The following RALYL variants were observed in gnomAD, a reference collection of about 807,000 sequenced individuals.
The protein encoded by RALYL is RALY RNA binding protein like.
In RALYL, 29 loss-of-function variants were observed where a neutral mutation model predicts 35.1. The ratio of observed to expected loss-of-function variants is 0.83; its 90% CI spans 0.61 to 1.13. The LOEUF (loss-of-function observed/expected upper bound fraction) is 1.13, where lower values mean the gene tolerates loss of function less well. RALYL is among the 50% of genes most tolerant of loss of function. The pLI is 0.00. For missense variants in RALYL, 359 were observed against 360.4 expected (o/e 1.00, Z 0.03); for synonymous variants, 120 against 127.6 (o/e 0.94, Z 0.40).
intron 2 of RALYL, among the ~76,000 whole-genome samples, chr8:84,605,560 C>T (rs543281895): frequency 6.6e-6 from 1 of 152,094 alleles, no homozygotes; most frequent in African/African-American, 2.4e-5. Context: ...ATAGGCTCAA[C>T]CCTGTTCAGT....
At chr8:84,395,903 G>T (rs185200194) in intron 1 of RALYL, among the ~76,000 whole-genome samples, 1 of 151,832 alleles carries the variant, frequency 6.6e-6, no homozygotes, top group Non-Finnish European at 1.5e-5. Context: ...TAAGTCACTC[G>T]TTAAAATGGT....
At chr8:84,433,843 G>GTATA (rs34226254) in intron 1 of RALYL, among the ~76,000 whole-genome samples, 26 of 135,504 alleles carry the variant, frequency 1.9e-4, no homozygotes, top group African/African-American at 6.1e-4. Context: ...ATGTGTGTGT[G>GTATA]TATATATATA....
chr8:84,447,779 G>T (rs1239890246), intron 1 of RALYL, among the ~76,000 whole-genome samples: 1 of 152,016 alleles, frequency 6.6e-6, no homozygotes, highest in African/African-American at 2.4e-5. Context: ...CTTTATTTGG[G>T]TATATTAGTG....
chr8:84,233,314 A>C lies in RALYL; in HGVS notation c.-24+48890A>C, dbSNP rs539760404. ...TTATATGTAATGCATTTTTATATTC[A>C]GAGAATACAAAAACTTCCATTTTGT... On this transcript the variant is annotated intron_variant, in intron 1 of 8. Coordinates refer to ENST00000521268, the MANE Select transcript of RALYL (RefSeq NM_173848.7). Among the ~76,000 whole-genome samples the C allele has an allele frequency of 2.6e-3, 403 of 152,260 alleles. 3 individuals are homozygous for C. Among genetic ancestry groups the C allele is most frequent in the African/African-American group, 8.9e-3 (369 of 41,550 alleles).
chr8:84,327,693 A>T (rs1846064574), intron 1 of RALYL, among the ~76,000 whole-genome samples: 1 of 151,826 alleles, frequency 6.6e-6, no homozygotes, highest in Non-Finnish European at 1.5e-5. Context: ...AAAAAAAAAA[A>T]TTGCCATTCC....
At chr8:84,849,259 C>T (rs543394015) in intron 4 of RALYL, among the ~76,000 whole-genome samples, 1 of 152,042 alleles carries the variant, frequency 6.6e-6, no homozygotes, top group South Asian at 2.1e-4. Flanking sequence ...GGTAAGACAG[C>T]CACAGTTATT....
At chr8:84,663,944 T>C (rs1469990201) in intron 2 of RALYL, among the ~76,000 whole-genome samples, 2 of 152,278 alleles carry the variant, frequency 1.3e-5, no homozygotes, top group Non-Finnish European at 1.5e-5. Flanking sequence ...ATTTTATAGT[T>C]TGGGGTTTTA....
rs570772825 is a variant in RALYL at position 84,596,004 on chromosome 8, A to G, written c.256+66427A>G. ...ACCAAATTTCAGGTGACACACACAC[A>G]TTCTTTAGGCATGATATGAGATTTG... On this transcript the variant is annotated intron_variant, in intron 2 of 8. Coordinates refer to ENST00000521268, the MANE Select transcript of RALYL (RefSeq NM_173848.7). Among the ~76,000 whole-genome samples the G allele has an allele frequency of 1.3e-3, 198 of 152,162 alleles. 1 individual carries two copies. The highest frequency in any genetic ancestry group is 1.3e-4 in the Non-Finnish European group (9 of 68,000).
chr8:84,239,460 A>G (rs913931301), intron 1 of RALYL, among the ~76,000 whole-genome samples: 3 of 152,354 alleles, frequency 2.0e-5, no homozygotes, highest in Admixed American at 6.5e-5. Flanking sequence ...TAGCCGTTAC[A>G]TGTCTCAGAC....
At chr8:84,291,182 G>T (rs541035920) in intron 1 of RALYL, among the ~76,000 whole-genome samples, 1 of 152,130 alleles carries the variant, frequency 6.6e-6, no homozygotes, top group South Asian at 2.1e-4. Context: ...AAAAGAGGAC[G>T]GTGAGACTAA....
intron 1 of RALYL, among the ~76,000 whole-genome samples, chr8:84,390,782 A>G (rs1024310082): frequency 6.6e-6 from 1 of 151,912 alleles, no homozygotes; most frequent in Non-Finnish European, 1.5e-5. Context: ...GAGCCCATGG[A>G]AACGCAGGCA....
intron 4 of RALYL, among the ~76,000 whole-genome samples, chr8:84,809,802 G>T (rs1464230780): frequency 6.6e-6 from 1 of 151,898 alleles, no homozygotes; most frequent in Non-Finnish European, 1.5e-5. Flanking sequence ...ATGATCTTTC[G>T]TATTTCAGTG....
chr8:84,537,263 A>G (rs1286178634), intron 2 of RALYL, among the ~76,000 whole-genome samples: 1 of 151,844 alleles, frequency 6.6e-6, no homozygotes, highest in Non-Finnish European at 1.5e-5. Context: ...TGAGCCCAGC[A>G]GTTTCAGACC....
intron 2 of RALYL, among the ~76,000 whole-genome samples, chr8:84,665,341 G>C (rs1564336117): frequency 6.6e-6 from 1 of 152,068 alleles, no homozygotes; most frequent in Admixed American, 6.6e-5. Flanking sequence ...CATAGAATGA[G>C]TTAGGGAAGA....
intron 1 of RALYL, among the ~76,000 whole-genome samples, chr8:84,216,270 CA>C (rs68050920): frequency 0.034 from 5,093 of 151,880 alleles, 287 homozygotes; most frequent in African/African-American, 0.11. Flanking sequence ...TGAAGGTTAA[CA>C]GAAAAAAATG....
At chr8:84,430,801 TG>T (rs1331172747) in intron 1 of RALYL, among the ~76,000 whole-genome samples, 1 of 152,146 alleles carries the variant, frequency 6.6e-6, no homozygotes, top group Non-Finnish European at 1.5e-5. Flanking sequence ...CAGATTATGG[TG>T]GTAAGGAAAA....
intron 1 of RALYL, among the ~76,000 whole-genome samples, chr8:84,389,146 T>C (rs1859978930): frequency 6.6e-6 from 1 of 152,128 alleles, no homozygotes; most frequent in South Asian, 2.1e-4. Context: ...AAAGATCAGA[T>C]AGTTGTAGAT....
chr8:84,539,862 A>ATATATATGTG, intron 2 of RALYL, among the ~76,000 whole-genome samples: 1 of 58,620 alleles, frequency 1.7e-5, no homozygotes, highest in African/African-American at 6.6e-5. Flanking sequence ...ATGTATATAT[A>ATATATATGTG]TATATATATA....
At chr8:84,229,768 C>G (rs1824889838) in intron 1 of RALYL, among the ~76,000 whole-genome samples, 1 of 152,134 alleles carries the variant, frequency 6.6e-6, no homozygotes, top group Non-Finnish European at 1.5e-5. Context: ...CCCAATTTCT[C>G]ATTTTACATA....
Sources: allele counts gnomAD v4.1 joint callset (sites outside exome capture counted in the v4.1 genomes callset), GRCh38; gene constraint gnomAD v4.1.1; transcripts MANE v1.5; gene names NCBI Gene and HGNC (gene_info 2026-07-23, HGNC 2026-07-21).